Variants in SLC48A1 observed in about 807,000 individuals in gnomAD.
SLC48A1 encodes the protein solute carrier family 48 member 1, also known as heme transporter HRG1.
Under a neutral mutation model 14.8 loss-of-function variants are expected in SLC48A1, and 6 were observed. The observed-to-expected ratio is 0.41, with a 90% CI of 0.22 to 0.80. The LOEUF is 0.80. SLC48A1 is among the 30% of genes least tolerant of loss of function. The pLI, the probability that SLC48A1 is intolerant of heterozygous loss-of-function variation, is 0.34. For synonymous variants in SLC48A1, 89 were observed against 90.0 expected, an observed-to-expected ratio of 0.99 and a Z score of 0.06; for missense variants, 165 against 204.8, an observed-to-expected ratio of 0.81 and a Z score of 1.19.
At chr12:47,768,370 C>T (rs940065794), upstream of SLC48A1, among the ~76,000 whole-genome samples, 2 of 152,100 alleles carry the variant, frequency 1.3e-5, no homozygotes, top group African/African-American at 4.8e-5. Context: ...TAGGAGGCTG[C>T]TGCAGGTAGG....
chr12:47,757,861 C>T, upstream of SLC48A1: 1 of 1,551,916 alleles, frequency 6.4e-7, no homozygotes, highest in Non-Finnish European at 8.7e-7. Context: ...GTGAAAGGTA[C>T]TCACCCAGCG....
chr12:47,779,108 G>A lies in SLC48A1; in HGVS notation c.217G>A (p.Gly73Ser), dbSNP rs760825825. ...YWRTWLKGLR[G>S]FFFVGVLFSA... ...GAGGACCTGGCTCAAGGGGCTGCGC[G>A]GCTTCTTCTTCGTGGGCGTCCTCTT... is the stretch of plus-strand genomic sequence containing the variant. The change falls in exon 2 of 3, where the codon GGC becomes AGC. Residue 73 changes from glycine (G) to serine (S), a missense_variant. By Grantham distance (56) the Gly-to-Ser change is moderately conservative. Transcript: ENST00000442218. 2.1e-5 allele frequency: 33 copies of A among 1,551,742 alleles called. No homozygotes were observed. The highest frequency in any genetic ancestry group is 1.1e-4 in the South Asian group (9 of 84,050).
upstream of SLC48A1, chr12:47,758,317 T>A: frequency 7.0e-7 from 1 of 1,434,368 alleles, no homozygotes; most frequent in South Asian, 1.5e-5. Context: ...TTCTTAGTCC[T>A]CTTTGGAATT....
rs578132326 is a variant in SLC48A1 at position 47,760,331 on chromosome 12, T to C, written c.-257T>C. On this transcript the variant is annotated 5_prime_UTR_variant, in exon 2 of 5. Coordinates refer to the SLC48A1 transcript ENST00000547002. ...TCAGACCCAAATCCATTCAACGGAG[T>C]TCTGGTAATTTGGAAGAAGGAAGAG... 77 of 984,942 alleles carry C rather than the reference T, an allele frequency of 7.8e-5. No homozygotes were observed. The African/African-American group carries it at 1.2e-3, about 15-fold the overall frequency. 61.0% of individuals were successfully genotyped at this position (984,942 alleles called of 1,614,324 possible). A position where few individuals can be genotyped will look rare whatever the true frequency, so the allele number is the denominator to read the frequency against.
intron 1 of SLC48A1, chr12:47,778,400 C>T (rs900276678): frequency 3.3e-5 from 5 of 152,450 alleles, no homozygotes; most frequent in African/African-American, 1.2e-4. Context: ...TGGACCTCCT[C>T]ATCCTGCAAA....
At chr12:47,764,611 T>C (rs972075938) in intron 2 of SLC48A1, among the ~76,000 whole-genome samples, 2 of 152,096 alleles carry the variant, frequency 1.3e-5, no homozygotes, top group South Asian at 2.1e-4. Context: ...AGGGGGAGGA[T>C]GTGGGTAACC....
upstream of SLC48A1, chr12:47,756,276 A>C (rs551932497): frequency 2.6e-5 from 4 of 152,220 alleles, no homozygotes; most frequent in African/African-American, 9.6e-5. Context: ...TTGTCCTGGC[A>C]CCTGACCTTC....
intron 1 of SLC48A1, among the ~76,000 whole-genome samples, chr12:47,776,251 CGG>C (rs1052458448): frequency 4.6e-5 from 7 of 152,216 alleles, no homozygotes; most frequent in African/African-American, 1.2e-4. Flanking sequence ...CTTAGCTTAT[CGG>C]CTGTGAGCCA....
intron 2 of SLC48A1, among the ~76,000 whole-genome samples, chr12:47,765,616 C>A (rs1942500991): frequency 6.6e-6 from 1 of 152,222 alleles, no homozygotes; most frequent in African/African-American, 2.4e-5. Context: ...CCTGTCACTG[C>A]CCCTGAGTCT....
At chr12:47,779,769 G>C (rs1275291489) in intron 2 of SLC48A1, among the ~76,000 whole-genome samples, 1 of 152,218 alleles carries the variant, frequency 6.6e-6, no homozygotes, top group East Asian at 1.9e-4. Flanking sequence ...GGGCAAGCGA[G>C]CCTTACCGCC....
upstream of SLC48A1, among the ~76,000 whole-genome samples, chr12:47,767,544 T>A (rs1942542431): frequency 1.3e-5 from 2 of 151,816 alleles, no homozygotes; most frequent in South Asian, 4.2e-4. Flanking sequence ...ACTGGAAGAG[T>A]CCCCAATGAA....
At chr12:47,769,077 G>T (rs1218112227), upstream of SLC48A1, 2 of 152,228 alleles carry the variant, frequency 1.3e-5, no homozygotes, top group African/African-American at 4.8e-5. Flanking sequence ...GGGAATGCAG[G>T]TTGTATGGAA....
intron 1 of SLC48A1, among the ~76,000 whole-genome samples, chr12:47,778,125 T>C (rs550609297): frequency 6.6e-6 from 1 of 152,216 alleles, no homozygotes; most frequent in East Asian, 1.9e-4. Flanking sequence ...TGATATTTGT[T>C]CCACTCTTTG....
upstream of SLC48A1, chr12:47,769,247 T>C (rs1454938837): frequency 6.6e-6 from 1 of 152,238 alleles, no homozygotes; most frequent in Non-Finnish European, 1.5e-5. Context: ...ACACAAATGT[T>C]GGTGTGTGTT....
At chr12:47,754,782 A>C (rs1408774434), upstream of SLC48A1, among the ~76,000 whole-genome samples, 1 of 152,152 alleles carries the variant, frequency 6.6e-6, no homozygotes, top group African/African-American at 2.4e-5. Context: ...CAGGGTTCTC[A>C]GTTGGGAAGA....
upstream of SLC48A1, among the ~76,000 whole-genome samples, chr12:47,767,651 A>G (rs189438526): frequency 1.3e-5 from 2 of 152,308 alleles, no homozygotes; most frequent in East Asian, 3.9e-4. Context: ...TTTTGTCATG[A>G]TAAGTGCTGT....
chr12:47,758,438 C>T, upstream of SLC48A1: 1 of 1,571,806 alleles, frequency 6.4e-7, no homozygotes, highest in Non-Finnish European at 8.7e-7. Context: ...AACCCTTCTC[C>T]TCTCCTCCTC....
At chr12:47,767,766 G>A (rs1004609343), upstream of SLC48A1, among the ~76,000 whole-genome samples, 3 of 152,162 alleles carry the variant, frequency 2.0e-5, no homozygotes, top group Non-Finnish European at 2.9e-5. Flanking sequence ...AGAGCTTTCC[G>A]GGCACAAAGC....
intron 2 of SLC48A1, among the ~76,000 whole-genome samples, chr12:47,763,449 C>T (rs1027707116): frequency 1.3e-5 from 2 of 152,144 alleles, no homozygotes; most frequent in African/African-American, 2.4e-5. Flanking sequence ...GAGCCTCCCA[C>T]AATACCCCTA....
Sources: allele counts gnomAD v4.1 joint callset (sites outside exome capture counted in the v4.1 genomes callset), GRCh38; gene constraint gnomAD v4.1.1; transcripts MANE v1.5; gene names NCBI Gene and HGNC (gene_info 2026-07-23, HGNC 2026-07-21).